RAB19: variants seen among roughly 807,000 people sequenced by gnomAD.
RAB19 encodes ras-related protein Rab-19.
A neutral mutation model predicts 17.3 loss-of-function variants in RAB19; 21 were observed. The observed-to-expected ratio is 1.21, with a 90% CI of 0.86 to 1.74. RAB19 has a LOEUF of 1.74. RAB19 is among the 40% of genes most tolerant of loss of function. The pLI is 0.00. For missense variants in RAB19, 277 were observed against 286.8 expected (o/e 0.97, Z 0.25); for synonymous variants, 126 against 110.4 (o/e 1.14, Z -0.88).
In RAB19 at chr7:140,416,721, G is replaced by A. The variant is rs368667870; in HGVS notation, c.385+4664G>A. Among the ~76,000 whole-genome samples the A allele has an allele frequency of 2.6e-5, 4 of 152,254 alleles. No individual in the cohort carries two copies. The East Asian group carries it at 7.7e-4, about 29-fold the overall frequency. On this transcript the variant is annotated intron_variant, in intron 3 of 3. Transcript: ENST00000537763. ...CCAGAGTGTGCAGCCCTGGCTGTTGGCGGGTGGACCCGTGGACATCAGCAC... is the reference window on the plus strand; with the variant it reads ...CCAGAGTGTGCAGCCCTGGCTGTTGACGGGTGGACCCGTGGACATCAGCAC...
chr7:140,418,622 C>T (rs1799504739), intron 3 of RAB19, among the ~76,000 whole-genome samples: 1 of 150,772 alleles, frequency 6.6e-6, no homozygotes, highest in South Asian at 2.1e-4. Flanking sequence ...TGGGCTCACA[C>T]CTGTAATCCC....
intron 3 of RAB19, among the ~76,000 whole-genome samples, chr7:140,415,773 T>G (rs573414152): frequency 9.6e-6 from 1 of 103,678 alleles, no homozygotes; most frequent in Non-Finnish European, 2.4e-5. Context: ...GATGTGGTGG[T>G]GCACGCCTGG....
At chr7:140,417,435 G>A (rs1037899420) in intron 3 of RAB19, among the ~76,000 whole-genome samples, 1 of 151,798 alleles carries the variant, frequency 6.6e-6, no homozygotes. Flanking sequence ...TCCACAGATG[G>A]AGTGGGATGC....
chr7:140,411,586 G>A (rs1799362409), intron 2 of RAB19, among the ~76,000 whole-genome samples: 1 of 151,738 alleles, frequency 6.6e-6, no homozygotes, highest in African/African-American at 2.4e-5. Context: ...AAGAAAGTTT[G>A]AAAATTTGTG....
At chr7:140,424,661 G>T (rs1035833491) in intron 3 of RAB19, among the ~76,000 whole-genome samples, 22 of 119,574 alleles carry the variant, frequency 1.8e-4, no homozygotes, top group Non-Finnish European at 3.5e-4. Flanking sequence ...ATATATGTGT[G>T]TGTATATATA....
At chr7:140,413,706 A>AAAAT (rs1350069944) in intron 3 of RAB19, among the ~76,000 whole-genome samples, 9 of 152,226 alleles carry the variant, frequency 5.9e-5, no homozygotes, top group African/African-American at 2.2e-4. Flanking sequence ...GGTCTCTTAA[A>AAAAT]AAATAAATAA....
In RAB19 at chr7:140,417,235, CA is replaced by C. The variant is rs36052693; in HGVS notation, c.385+5195del. ...TGGGTGACAGAGCGAGACTCTGTCT[CA>C]AAAAAAAAAAAAAAAATTAGCTGGA... On this transcript the variant is annotated intron_variant, in intron 3 of 3. Transcript: ENST00000537763. Among the ~76,000 whole-genome samples, 641 of 116,616 alleles carry C rather than the reference CA, an allele frequency of 5.5e-3. 4 individuals carry two copies. The highest frequency in any genetic ancestry group is 0.017 in the African/African-American group (509 of 30,610). 76.5% of individuals were successfully genotyped at this position (116,616 alleles called of 152,430 possible). A position where few individuals can be genotyped will look rare whatever the true frequency, so the allele number is the denominator to read the frequency against.
In RAB19 at chr7:140,407,832, C is replaced by A; in HGVS notation, c.186C>A (p.Asp62Glu). ...VDFTVRSLDIDGKKVKMQVWD... is the reference protein window; with the variant it reads ...VDFTVRSLDIEGKKVKMQVWD... Reference sequence around the variant, plus strand: ...TTACCGTGCGTTCCCTTGATATTGACGGCAAAAAAGTGAAGGTCAGAGGGC... The same window carrying A: ...TTACCGTGCGTTCCCTTGATATTGAAGGCAAAAAAGTGAAGGTCAGAGGGC... The change falls in exon 2 of 4, where the codon GAC (aspartate) becomes GAA (glutamate). Residue 62 changes from aspartate (D) to glutamate (E), a missense_variant. Physicochemically the swap from Asp to Glu is conservative, Grantham distance 45 (BLOSUM62 2). Coordinates refer to ENST00000537763, the MANE Select transcript of RAB19 (RefSeq NM_001008749.3). The A allele has an allele frequency of 6.2e-7, 1 of 1,605,720 alleles. No homozygotes were observed. The highest frequency in any genetic ancestry group is 8.5e-7 in the Non-Finnish European group (1 of 1,176,510).
intron 2 of RAB19, among the ~76,000 whole-genome samples, chr7:140,410,431 A>G (rs1799337835): frequency 7.1e-6 from 1 of 140,010 alleles, no homozygotes; most frequent in African/African-American, 2.7e-5. Context: ...GGTTCACGCC[A>G]TTCTCCTGCC....
intron 3 of RAB19, among the ~76,000 whole-genome samples, chr7:140,417,597 G>A (rs1706367632): frequency 6.6e-6 from 1 of 152,142 alleles, no homozygotes; most frequent in Admixed American, 6.6e-5. Context: ...TCTCTTGAAG[G>A]TGCATGCTAT....
At position 140,413,147 on chromosome 7, in the gene RAB19, G is replaced by A. The variant is rs74455162; in HGVS notation, c.385+1090G>A. On this transcript the variant is annotated intron_variant, in intron 3 of 3. Coordinates refer to ENST00000537763, the MANE Select transcript of RAB19 (RefSeq NM_001008749.3). ...CACTTATTGAAGAGACTGTCCTTTC[G>A]CCAACATATGTTCTTAGCACCTTTG... 5.6e-3 allele frequency among the ~76,000 whole-genome samples: 847 copies of A among 152,086 alleles called. 7 individuals are homozygous for A. The highest frequency in any genetic ancestry group is 0.019 in the African/African-American group (779 of 41,486).
rs553898210 is a variant in RAB19, at chr7:140,412,561, T to C, written c.385+504T>C. On this transcript the variant is annotated intron_variant, in intron 3 of 3. Coordinates refer to ENST00000537763, the MANE Select transcript of RAB19 (RefSeq NM_001008749.3). The stretch of plus-strand genomic sequence containing the variant: ...TTTTTAATTTTTTGTAAAGACGGGG[T>C]TTTGCCATGTTGCCCAGGCTGGTCT... Among the ~76,000 whole-genome samples the C allele has an allele frequency of 2.2e-3, 326 of 150,142 alleles. 1 individual carries two copies. The highest frequency in any genetic ancestry group is 7.3e-3 in the African/African-American group (299 of 40,910).
In RAB19 at chr7:140,417,680, T is replaced by C. The variant is rs879711118; in HGVS notation, c.385+5623T>C. On this transcript the variant is annotated intron_variant, in intron 3 of 3. Transcript: ENST00000537763. ...GAAAACAACAGATGTGTTCACCCACTGTTCTGGAGGCCACAAGTCTGAAAT... is the reference window on the plus strand; with the variant it reads ...GAAAACAACAGATGTGTTCACCCACCGTTCTGGAGGCCACAAGTCTGAAAT... Among the ~76,000 whole-genome samples, 157 of 152,306 alleles carry C rather than the reference T, an allele frequency of 1.0e-3. 1 individual carries two copies. Among genetic ancestry groups the C allele is most frequent in the Admixed American group, 0.01 (155 of 15,286 alleles).
At chr7:140,413,272 G>T (rs949995336) in intron 3 of RAB19, among the ~76,000 whole-genome samples, 1 of 152,124 alleles carries the variant, frequency 6.6e-6, no homozygotes, top group Non-Finnish European at 1.5e-5. Flanking sequence ...ACACTGTTTT[G>T]GTTACCATAG....
chr7:140,406,144 G>A (rs1464364045), intron 1 of RAB19, among the ~76,000 whole-genome samples: 1 of 149,730 alleles, frequency 6.7e-6, no homozygotes, highest in African/African-American at 2.5e-5. Flanking sequence ...TTGGGAGGCT[G>A]AGGCAAGAGA....
At chr7:140,414,213 T>A (rs764336639) in intron 3 of RAB19, among the ~76,000 whole-genome samples, 12 of 152,012 alleles carry the variant, frequency 7.9e-5, no homozygotes, top group Non-Finnish European at 1.5e-4. Flanking sequence ...CTCAGCTAAT[T>A]TTTATTTTAG....
chr7:140,412,114 T>C (rs1799377336), intron 3 of RAB19, 57 bp downstream of exon 3: 1 of 1,472,420 alleles, frequency 6.8e-7, no homozygotes, highest in Admixed American at 1.7e-5. Flanking sequence ...GATGCTCAGC[T>C]TTCTGCATGT....
chr7:140,417,611 A>G (rs2001942), intron 3 of RAB19, among the ~76,000 whole-genome samples: 17,962 of 152,054 alleles, frequency 0.12, 1,156 homozygotes, highest in East Asian at 0.21. Context: ...ATGCTATACG[A>G]GCTTCCTGTG....
chr7:140,414,182 T>TTA (rs1799415008), intron 3 of RAB19, among the ~76,000 whole-genome samples: 1 of 152,118 alleles, frequency 6.6e-6, no homozygotes, highest in Admixed American at 6.6e-5. Flanking sequence ...GTAGCTGGGA[T>TTA]TACAGGCTCC....
Sources: allele counts gnomAD v4.1 joint callset (sites outside exome capture counted in the v4.1 genomes callset), GRCh38; gene constraint gnomAD v4.1.1; transcripts MANE v1.5; gene names NCBI Gene and HGNC (gene_info 2026-07-23, HGNC 2026-07-21).